The following GLYATL1 variants were observed in gnomAD, a reference collection of about 807,000 sequenced individuals.
GLYATL1 encodes glycine N-acyltransferase-like protein 1.
A neutral mutation model predicts 20.0 loss-of-function variants in GLYATL1; 15 were observed. The observed-to-expected ratio is 0.75, with a 90% confidence interval of 0.50 to 1.15. The LOEUF (loss-of-function observed/expected upper bound fraction) is 1.15, where lower values mean the gene tolerates loss of function less well. Ranked by LOEUF, GLYATL1 falls within the 50% of genes most tolerant of loss-of-function variation. GLYATL1 has a pLI of 0.00. For synonymous variants in GLYATL1, 151 were observed against 131.5 expected, an observed-to-expected ratio of 1.15 and a Z score of -1.01; for missense variants, 380 against 368.5, an observed-to-expected ratio of 1.03 and a Z score of -0.26.
chr11:58,947,383 G>T (rs1324536025), intron 3 of GLYATL1: 8 of 597,890 alleles, frequency 1.3e-5, no homozygotes, highest in Non-Finnish European at 1.7e-5. Flanking sequence ...ATTTGGAGAG[G>T]CAGTGGAGCA....
At chr11:58,910,745 C>A (rs1422249565), downstream of GLYATL1, among the ~76,000 whole-genome samples, 1 of 152,150 alleles carries the variant, frequency 6.6e-6, no homozygotes, top group South Asian at 2.1e-4. Context: ...ACAAAAATCC[C>A]CATGCCCAAT....
At chr11:58,937,408 C>G (rs539597211), upstream of GLYATL1, among the ~76,000 whole-genome samples, 1 of 152,140 alleles carries the variant, frequency 6.6e-6, no homozygotes, top group African/African-American at 2.4e-5. Flanking sequence ...AGTAAAGAAA[C>G]CTTCTTCCCT....
chr11:58,914,445 T>C (rs1203053096), intron 1 of GLYATL1, among the ~76,000 whole-genome samples: 1 of 152,122 alleles, frequency 6.6e-6, no homozygotes, highest in Non-Finnish European at 1.5e-5. Flanking sequence ...ACAGGTCTTT[T>C]TGGTGTTTTA....
downstream of GLYATL1, among the ~76,000 whole-genome samples, chr11:58,911,069 T>C (rs1051033755): frequency 1.1e-4 from 17 of 152,230 alleles, no homozygotes; most frequent in African/African-American, 4.1e-4. Flanking sequence ...AAATGGAACA[T>C]AGACTGAATT....
chr11:58,926,961 G>A (rs1855442463), upstream of GLYATL1, among the ~76,000 whole-genome samples: 1 of 152,166 alleles, frequency 6.6e-6, no homozygotes, highest in Non-Finnish European at 1.5e-5. Context: ...TAGCAAGTAT[G>A]AATCAAAGAC....
intron 1 of GLYATL1, among the ~76,000 whole-genome samples, chr11:58,941,777 G>A (rs1590792389): frequency 6.6e-6 from 1 of 152,332 alleles, no homozygotes. Context: ...TGTCAGGGAG[G>A]TGACTGGAGT....
intron 1 of GLYATL1, among the ~76,000 whole-genome samples, chr11:58,921,595 T>A (rs1474924657): frequency 6.6e-6 from 1 of 152,226 alleles, no homozygotes; most frequent in South Asian, 2.1e-4. Context: ...ATCACGCACA[T>A]TGATTTCTCT....
chr11:58,905,703 G>A (rs1465217317), intron 1 of GLYATL1: 3 of 440,546 alleles, frequency 6.8e-6, no homozygotes, highest in South Asian at 3.1e-5. Flanking sequence ...TCGGGGGAGG[G>A]GATCGCTGGG....
Position 58,955,680 on chromosome 11 carries a change from C to G in GLYATL1, c.562C>G (p.Arg188Gly). The part of the protein sequence containing the change: ...YSGLVNDNWK[R>G]GKNERSLHYI... Reference sequence around the variant, plus strand: ...TGGGCTGGTAAATGACAACTGGAAGCGAGGGAAGAATGAGAGGAGCCTGCA... The same window carrying G: ...TGGGCTGGTAAATGACAACTGGAAGGGAGGGAAGAATGAGAGGAGCCTGCA... The change falls in exon 7 of 7, where the codon CGA (arginine) becomes GGA (glycine). Residue 188 changes from arginine (R) to glycine (G), a missense_variant. Arg to Gly is a moderately radical substitution (Grantham distance 125, BLOSUM62 -2). Coordinates refer to ENST00000532726, the MANE Select transcript of GLYATL1 (RefSeq NM_001389712.2). The G allele has an allele frequency of 6.2e-7, 1 of 1,614,056 alleles. No homozygotes were observed. The highest frequency in any genetic ancestry group is 8.5e-7 in the Non-Finnish European group (1 of 1,180,000).
chr11:58,943,142 A>T (rs534201205), intron 1 of GLYATL1: 2 of 895,272 alleles, frequency 2.2e-6, no homozygotes, highest in East Asian at 2.9e-5. Flanking sequence ...CCTGAGAAGG[A>T]CTCTGTACTT....
rs551941736 is a variant in GLYATL1 at position 58,913,791 on chromosome 11, G to A, written n.264+8130G>A. On this transcript the variant is annotated intron_variant and non_coding_transcript_variant, in intron 1 of 2. Coordinates refer to the GLYATL1 transcript ENST00000534674. ...TCTGAGACCTCAAAGGAGTGAGCAG[G>A]TGAGTCTTAGATGGAAATATATTGA... Among the ~76,000 whole-genome samples, 3 of 152,306 alleles carry A rather than the reference G, an allele frequency of 2.0e-5. No individual in the cohort carries two copies. The South Asian group carries it at 6.2e-4, about 32-fold the overall frequency.
At chr11:58,907,645 G>A (rs1247165086) in exon 2 of GLYATL1, 1 of 217,480 alleles carries the variant, frequency 4.6e-6, no homozygotes, top group Non-Finnish European at 9.4e-6. Context: ...TAGTCATTGT[G>A]GGTCATATTT....
intron 4 of GLYATL1, among the ~76,000 whole-genome samples, chr11:58,952,306 C>T (rs524821): frequency 0.96 from 146,642 of 152,288 alleles, 70,827 homozygotes; most frequent in East Asian, 1. Flanking sequence ...TCAAAGCCAT[C>T]CTGGCCTTTC....
At chr11:58,947,377 G>A (rs957799002) in intron 3 of GLYATL1, 5 of 625,360 alleles carry the variant, frequency 8.0e-6, no homozygotes, top group Admixed American at 6.3e-5. Flanking sequence ...CCACTCATTT[G>A]GAGAGGCAGT....
At chr11:58,907,253 G>T (rs1010317859) in exon 2 of GLYATL1, 1 of 456,140 alleles carries the variant, frequency 2.2e-6, no homozygotes, top group African/African-American at 2.0e-5. Context: ...CACCCGCCAG[G>T]TTTGTGGCCT....
intron 3 of GLYATL1, chr11:58,947,505 G>C (rs73483088): frequency 2.2e-6 from 1 of 446,138 alleles, no homozygotes; most frequent in East Asian, 3.8e-5. Flanking sequence ...CTGACTTTAC[G>C]TTTGGTTTTT....
upstream of GLYATL1, among the ~76,000 whole-genome samples, chr11:58,937,611 G>T (rs150942350): frequency 2.1e-3 from 313 of 152,154 alleles, 1 homozygote; most frequent in African/African-American, 7.1e-3. Context: ...TTGACTGTTC[G>T]GTCCGTGCCT....
chr11:58,943,681 G>A lies in GLYATL1; in HGVS notation c.-43+15G>A, dbSNP rs778650975. The A allele has an allele frequency of 2.2e-5, 36 of 1,610,086 alleles. No homozygotes were observed. In the Admixed American group the frequency reaches 2.9e-4, roughly 13 times the overall value. Reference sequence around the variant, plus strand: ...GAGGATAATAGGTAAGCTCCCTCTCGCATTTTGGAGCTTCACACGTTGGTG... The same window carrying A: ...GAGGATAATAGGTAAGCTCCCTCTCACATTTTGGAGCTTCACACGTTGGTG... On this transcript the variant is annotated intron_variant, in intron 2 of 6. Transcript: ENST00000532726.
chr11:58,906,691 G>A (rs1854896051), intron 1 of GLYATL1, among the ~76,000 whole-genome samples: 1 of 152,162 alleles, frequency 6.6e-6, no homozygotes, highest in Non-Finnish European at 1.5e-5. Flanking sequence ...TGTTAGGGTA[G>A]CGCTGCTGAG....
Sources: gnomAD v4.1 joint callset for allele counts (sites outside exome capture counted in the v4.1 genomes callset) on GRCh38, gnomAD v4.1.1 for gene constraint, MANE v1.5 for transcripts, NCBI Gene and HGNC (gene_info 2026-07-23, HGNC 2026-07-21) for gene names.